The following GDPD4 variants were observed in gnomAD, a reference collection of about 807,000 sequenced individuals.
The protein encoded by GDPD4 is glycerophosphodiester phosphodiesterase domain containing 4.
Under a neutral mutation model 67.8 loss-of-function variants are expected in GDPD4, and 60 were observed. The observed-to-expected ratio is 0.88, with a 90% CI of 0.72 to 1.10. GDPD4 has a LOEUF of 1.10. Among genes scored for constraint, GDPD4 ranks in the 50% least tolerant of loss-of-function variants. The probability of loss-of-function intolerance (pLI) is 0.00; values close to 1 mark genes in which losing one functional copy is unlikely to be tolerated. For synonymous variants in GDPD4, 212 were observed against 210.9 expected (o/e 1.00, Z -0.04); for missense variants, 623 against 613.9 (o/e 1.01, Z -0.16).
chr11:77,276,738 C>T (rs1959488048), intron 4 of GDPD4, among the ~76,000 whole-genome samples: 1 of 152,170 alleles, frequency 6.6e-6, no homozygotes, highest in African/African-American at 2.4e-5. Flanking sequence ...TCTAGCCAGT[C>T]ACCAAGTCAG....
chr11:77,264,499 T>G (rs1236229127), intron 10 of GDPD4, among the ~76,000 whole-genome samples: 1 of 152,014 alleles, frequency 6.6e-6, no homozygotes, highest in Non-Finnish European at 1.5e-5. Flanking sequence ...AACAGCCAGG[T>G]AGGAAGAAAA....
chr11:77,296,100 A>T (rs1337288510), intron 1 of GDPD4, among the ~76,000 whole-genome samples: 1 of 151,446 alleles, frequency 6.6e-6, no homozygotes, highest in East Asian at 2.0e-4. Context: ...AAATACAAAA[A>T]ATTAGCCAGG....
chr11:77,271,134 T>G lies in GDPD4; in HGVS notation c.396A>C (p.Arg132Ser). The change falls in exon 7 of 17, where the codon AGA (arginine) becomes AGC (serine). Residue 132 changes from arginine to serine, a missense_variant. Physicochemically the swap from Arg to Ser is moderately radical, Grantham distance 110. Coordinates refer to ENST00000315938, the MANE Select transcript of GDPD4 (RefSeq NM_182833.3). ...PVAFYVACLE[R>S]EVRMRRYRMT... ...GTTCTGCCCTATGTGACATACCTTC[T>G]CTTTCCAAACATGCCACGTAGAAGG... is the stretch of plus-strand genomic sequence containing the variant. 5 of 1,606,224 alleles carry G rather than the reference T, an allele frequency of 3.1e-6. No homozygotes were observed. Among genetic ancestry groups the G allele is most frequent in the Non-Finnish European group, 4.3e-6 (5 of 1,173,866 alleles).
intron 10 of GDPD4, among the ~76,000 whole-genome samples, chr11:77,261,416 T>C (rs1959115228): frequency 6.6e-6 from 1 of 151,616 alleles, no homozygotes; most frequent in African/African-American, 2.4e-5. Flanking sequence ...TTTTCTATTT[T>C]TAGTAGAGAT....
In GDPD4 at chr11:77,268,958, T is replaced by G; in HGVS notation, c.590A>C (p.Lys197Thr). 1.2e-6 allele frequency: 2 copies of G among 1,614,128 alleles called. No homozygotes were observed. Among genetic ancestry groups the G allele is most frequent in the Non-Finnish European group, 1.7e-6 (2 of 1,179,988 alleles). ...ACCTCTATGTCCAAAGATGGTTGGC[T>G]TGGGCCCCAAATTCTCCTTCTCCTG... Reference protein sequence around the residue: ...CIQEKENLGPKPTIFGHRGAP... With the variant: ...CIQEKENLGPTPTIFGHRGAP... The change falls in exon 9 of 17, where the codon AAG becomes ACG. Residue 197 changes from lysine (K) to threonine (T), a missense_variant. Coordinates refer to ENST00000315938, the MANE Select transcript of GDPD4 (RefSeq NM_182833.3).
intron 11 of GDPD4, among the ~76,000 whole-genome samples, chr11:77,257,529 C>A (rs1959024161): frequency 6.9e-6 from 1 of 144,836 alleles, no homozygotes; most frequent in African/African-American, 2.6e-5. Flanking sequence ...TCTCTTCTTT[C>A]CTCTATCCCT....
chr11:77,235,941 G>A (rs1003444311), intron 13 of GDPD4, among the ~76,000 whole-genome samples: 1 of 148,664 alleles, frequency 6.7e-6, no homozygotes, highest in Non-Finnish European at 1.5e-5. Context: ...GGGGGACAGA[G>A]CGAGACTTTG....
chr11:77,257,074 C>T (rs1959015800), intron 11 of GDPD4, among the ~76,000 whole-genome samples: 1 of 152,170 alleles, frequency 6.6e-6, no homozygotes, highest in Non-Finnish European at 1.5e-5. Flanking sequence ...CACCAGTACA[C>T]AATCAAAAAT....
At chr11:77,280,438 A>C (rs1185029042) in intron 3 of GDPD4, among the ~76,000 whole-genome samples, 4 of 150,758 alleles carry the variant, frequency 2.7e-5, no homozygotes, top group Non-Finnish European at 5.9e-5. Flanking sequence ...AAAAAAAAAC[A>C]TGAAATCTGG....
intron 13 of GDPD4, among the ~76,000 whole-genome samples, chr11:77,235,009 GTTTTTT>G (rs57989259): frequency 4.0e-3 from 207 of 52,256 alleles, no homozygotes; most frequent in African/African-American, 6.2e-3. Flanking sequence ...GTCAATATCT[GTTTTTT>G]TTTTTTTTTT....
At chr11:77,272,122 C>T (rs1959246977) in intron 5 of GDPD4, among the ~76,000 whole-genome samples, 1 of 152,136 alleles carries the variant, frequency 6.6e-6, no homozygotes, top group Non-Finnish European at 1.5e-5. Context: ...ATAACTGAAT[C>T]CATAATTAAG....
rs34996619 is a variant in GDPD4 at position 77,225,300 on chromosome 11, CAAAA to C, written c.1525+2560_1525+2563del. Among the ~76,000 whole-genome samples the C allele has an allele frequency of 1.2e-4, 15 of 120,616 alleles. No individual in the cohort carries two copies. The South Asian group carries it at 2.0e-3, about 16-fold the overall frequency. The allele number at this position is 120,616 out of a possible 152,430, so 79.1% of individuals were successfully genotyped here. On this transcript the variant is annotated intron_variant, in intron 16 of 16. Transcript: ENST00000315938. ...TGGGCAACAGAGCAAGACTCTGTCTCAAAAAAAAAAAAAAAGTCTCAGTAACCTA... is the reference window on the plus strand; with the variant it reads ...TGGGCAACAGAGCAAGACTCTGTCTCAAAAAAAAAAAGTCTCAGTAACCTA...
At chr11:77,265,832 A>G (rs1946005) in intron 10 of GDPD4, among the ~76,000 whole-genome samples, 113,131 of 152,040 alleles carry the variant, frequency 0.74, 43,220 homozygotes, top group African/African-American at 0.93. Context: ...TGCCTCCTTC[A>G]CCCCTGGAAA....
intron 14 of GDPD4, among the ~76,000 whole-genome samples, chr11:77,231,745 T>C (rs1179490340): frequency 6.6e-6 from 1 of 152,234 alleles, no homozygotes; most frequent in Non-Finnish European, 1.5e-5. Flanking sequence ...TGCTGCTTTC[T>C]AAATTATGCA....
Position 77,235,009 on chromosome 11 carries a change from G to GTTTTTT in GDPD4, c.1242-1843_1242-1838dup, listed in dbSNP as rs57989259. On this transcript the variant is annotated intron_variant, in intron 13 of 16. Coordinates refer to ENST00000315938, the MANE Select transcript of GDPD4 (RefSeq NM_182833.3). The stretch of plus-strand genomic sequence containing the variant: ...TCTCTCTGCAACCTTGTCAATATCT[G>GTTTTTT]TTTTTTTTTTTTTTTTTTTTTTTTT... Among the ~76,000 whole-genome samples the GTTTTTT allele has an allele frequency of 1.6e-3, 81 of 52,244 alleles. 4 individuals carry two copies. Among genetic ancestry groups the GTTTTTT allele is most frequent in the African/African-American group, 2.7e-3 (43 of 15,836 alleles). 34.3% of individuals were successfully genotyped at this position (52,244 alleles called of 152,430 possible). A position where few individuals can be genotyped will look rare whatever the true frequency, so the allele number is the denominator to read the frequency against.
rs1958485655 is a variant in GDPD4, at chr11:77,233,165, T to C, written c.1249A>G (p.Lys417Glu). ...ACGTTGATATGGATGTTAGCTGCTT[T>C]ATAATCTCTGGAACAAAAACAGAAC... ...KLFPNGLRDY[K>E]AANIHINVYT... Residue 417 changes from lysine (K) to glutamate (E), a missense_variant, in exon 14 of 17, where the codon AAA (lysine) becomes GAA (glutamate). Physicochemically the swap from Lys to Glu is moderately conservative, Grantham distance 56 (BLOSUM62 1). Transcript: ENST00000315938. 2 of 1,613,484 alleles carry C rather than the reference T, an allele frequency of 1.2e-6. No homozygotes were observed. The highest frequency in any genetic ancestry group is 3.3e-4 in the Middle Eastern group (2 of 6,060).
chr11:77,244,955 G>C (rs941513841), intron 12 of GDPD4, among the ~76,000 whole-genome samples: 2 of 152,066 alleles, frequency 1.3e-5, no homozygotes, highest in South Asian at 2.1e-4. Context: ...ATGTTACCCA[G>C]GCTCTTTCTA....
chr11:77,217,880 A>G (rs958196157), intron 16 of GDPD4, among the ~76,000 whole-genome samples: 1 of 152,242 alleles, frequency 6.6e-6, no homozygotes, highest in Non-Finnish European at 1.5e-5. Flanking sequence ...AAAATTATCT[A>G]TGCGTTTACA....
At chr11:77,229,357 G>A (rs983348708) in intron 14 of GDPD4, 125 bp from the exon 15 acceptor site, 6 of 601,780 alleles carry the variant, frequency 1.0e-5, no homozygotes, top group African/African-American at 3.7e-5. Context: ...GACAGGCCAA[G>A]GAACCTTGAT....
Sources: gnomAD v4.1 joint callset for allele counts (sites outside exome capture counted in the v4.1 genomes callset) on GRCh38, gnomAD v4.1.1 for gene constraint, MANE v1.5 for transcripts, NCBI Gene and HGNC (gene_info 2026-07-23, HGNC 2026-07-21) for gene names.